MAST4: variants seen among roughly 807,000 people sequenced by gnomAD.
MAST4 encodes the protein microtubule associated serine/threonine kinase family member 4.
MAST4 carries 89 observed loss-of-function variants against 162.7 expected under a neutral mutation model. The ratio of observed to expected loss-of-function variants is 0.55; its 90% confidence interval spans 0.46 to 0.65. MAST4 has a LOEUF of 0.65. Ranked by LOEUF, MAST4 falls within the 30% of genes least tolerant of loss-of-function variation. The probability of loss-of-function intolerance (pLI) is 0.00; values close to 1 mark genes in which losing one functional copy is unlikely to be tolerated. For synonymous variants in MAST4, 1,479 were observed against 1,361.1 expected (o/e 1.09, Z -1.91); for missense variants, 3,153 against 3,374.0 (o/e 0.93, Z 1.62).
rs150321354 is a variant in MAST4, at chr5:67,136,209, T to C, written c.2393-354T>C. On this transcript the variant is annotated intron_variant, in intron 18 of 28. Transcript: ENST00000403625. ...ATTAGCCACCTGAAATGGAAGTGTT[T>C]AGAGTTTCTATTATTTTAAGTCTTT... 2.4e-3 allele frequency among the ~76,000 whole-genome samples: 361 copies of C among 152,334 alleles called. 4 individuals carry two copies. The highest frequency in any genetic ancestry group is 8.2e-3 in the African/African-American group (340 of 41,582).
intron 3 of MAST4, among the ~76,000 whole-genome samples, chr5:66,799,516 A>T (rs1376409680): frequency 6.6e-6 from 1 of 152,172 alleles, no homozygotes; most frequent in Non-Finnish European, 1.5e-5. Flanking sequence ...GGGTTCTTTT[A>T]AATGACACCA....
chr5:66,924,635 C>T lies in MAST4; in HGVS notation c.674+24653C>T, dbSNP rs962907001. 7.9e-5 allele frequency among the ~76,000 whole-genome samples: 12 copies of T among 152,170 alleles called. No homozygotes were observed. In the South Asian group the frequency reaches 1.2e-3, roughly 16 times the overall value. On this transcript the variant is annotated intron_variant, in intron 4 of 28. Transcript: ENST00000403625. ...GTTTTGATCTCCTGACCTCGTGATC[C>T]GCCTACCTCTGCCCCCCAAAGTGGT...
At chr5:67,108,362 A>G (rs1372477078) in intron 10 of MAST4, among the ~76,000 whole-genome samples, 1 of 152,154 alleles carries the variant, frequency 6.6e-6, no homozygotes, top group South Asian at 2.1e-4. Flanking sequence ...TTTTTGCTTC[A>G]TCTTTAAAGT....
At chr5:66,992,929 G>A (rs1438313909) in intron 4 of MAST4, among the ~76,000 whole-genome samples, 1 of 152,180 alleles carries the variant, frequency 6.6e-6, no homozygotes, top group Non-Finnish European at 1.5e-5. Context: ...TGCTATGGCT[G>A]TGTGTGTTGA....
chr5:66,843,453 C>G (rs78152825), intron 3 of MAST4, among the ~76,000 whole-genome samples: 3 of 152,092 alleles, frequency 2.0e-5, no homozygotes, highest in Admixed American at 2.0e-4. Context: ...GGTCGCTTAA[C>G]AGAGAGGAGA....
intron 3 of MAST4, among the ~76,000 whole-genome samples, chr5:66,834,762 A>G (rs1337756126): frequency 6.6e-6 from 1 of 152,174 alleles, no homozygotes; most frequent in Non-Finnish European, 1.5e-5. Context: ...CTGACTCTCC[A>G]ATCAGACTCT....
At chr5:66,964,008 A>G in intron 4 of MAST4, 2 of 685,630 alleles carry the variant, frequency 2.9e-6, no homozygotes, top group Non-Finnish European at 2.7e-6. Context: ...ATGTGTGTGT[A>G]TATGTGACAG....
At chr5:67,005,013 AT>A in intron 4 of MAST4, 3 of 774,468 alleles carry the variant, frequency 3.9e-6, no homozygotes, top group Non-Finnish European at 7.2e-6. Flanking sequence ...TCTGACCCCA[AT>A]TTTTGGACTG....
At chr5:66,809,851 T>G (rs1194620300) in intron 3 of MAST4, among the ~76,000 whole-genome samples, 1 of 152,202 alleles carries the variant, frequency 6.6e-6, no homozygotes, top group Non-Finnish European at 1.5e-5. Flanking sequence ...TTGTCCTGCC[T>G]CAGCTTCCCG....
chr5:66,960,444 G>A (rs1745872843), intron 4 of MAST4, among the ~76,000 whole-genome samples: 3 of 152,136 alleles, frequency 2.0e-5, no homozygotes, highest in African/African-American at 7.2e-5. Flanking sequence ...GGTACGAATA[G>A]TATTTACCCA....
intron 4 of MAST4, among the ~76,000 whole-genome samples, chr5:66,992,014 A>C (rs903092415): frequency 6.6e-6 from 1 of 152,162 alleles, no homozygotes; most frequent in Non-Finnish European, 1.5e-5. Context: ...CTTGTAAATC[A>C]CTCTCAAGTT....
intron 3 of MAST4, 103 bp from the exon 4 acceptor site, chr5:66,899,848 C>A: frequency 1.1e-6 from 1 of 907,350 alleles, no homozygotes; most frequent in South Asian, 2.2e-5. Context: ...AATGCCAAAT[C>A]AAGCGTAATG....
Position 67,033,310 on chromosome 5 carries a change from TTTCTCTGTGTG to T in MAST4, c.675-21092_675-21082del, listed in dbSNP as rs749269540. Among the ~76,000 whole-genome samples, 13 of 127,604 alleles carry T rather than the reference TTTCTCTGTGTG, an allele frequency of 1.0e-4. 1 individual carries two copies. Among genetic ancestry groups the T allele is most frequent in the Admixed American group, 1.6e-4 (2 of 12,546 alleles). 83.7% of individuals were successfully genotyped at this position (127,604 alleles called of 152,430 possible). ...TAAGGATTACTTTTTTGGGTTTTCA[TTTCTCTGTGTG>T]TGTGTGTGTGTGTGTGTGTGTGTGG... On this transcript the variant is annotated intron_variant, in intron 4 of 28. Coordinates refer to ENST00000403625, the MANE Select transcript of MAST4 (RefSeq NM_001164664.2).
At chr5:67,077,822 A>C (rs1025579432) in intron 5 of MAST4, among the ~76,000 whole-genome samples, 3 of 152,188 alleles carry the variant, frequency 2.0e-5, no homozygotes, top group Non-Finnish European at 2.9e-5. Flanking sequence ...GGAAAAGGAC[A>C]GGTGCAGTGG....
intron 5 of MAST4, among the ~76,000 whole-genome samples, chr5:67,073,695 G>C (rs986776737): frequency 6.6e-6 from 1 of 152,158 alleles, no homozygotes; most frequent in Admixed American, 6.5e-5. Context: ...AGGAAGGAAT[G>C]GATGAAGATA....
intron 21 of MAST4, among the ~76,000 whole-genome samples, chr5:67,143,687 G>A (rs750122030): frequency 6.6e-6 from 1 of 152,142 alleles, no homozygotes; most frequent in Non-Finnish European, 1.5e-5. Flanking sequence ...GAATGGCATC[G>A]AGGTAAGGAT....
At chr5:66,655,637 G>T (rs911437866) in intron 1 of MAST4, among the ~76,000 whole-genome samples, 1 of 152,132 alleles carries the variant, frequency 6.6e-6, no homozygotes, top group Non-Finnish European at 1.5e-5. Context: ...TACAAAGACG[G>T]CTCTTTGCTA....
At chr5:67,114,255 T>A (rs1423884648) in intron 12 of MAST4, 36 bp downstream of exon 12, 1 of 1,588,224 alleles carries the variant, frequency 6.3e-7, no homozygotes, top group South Asian at 1.2e-5. Context: ...TTGACTTTGC[T>A]TATGCACTGT....
chr5:67,117,326 C>T (rs1042700985), intron 12 of MAST4, among the ~76,000 whole-genome samples: 2 of 152,138 alleles, frequency 1.3e-5, no homozygotes, highest in East Asian at 1.9e-4. Context: ...TGGAATTTCC[C>T]CTATAGGTAA....
Sources: gnomAD v4.1 joint callset for allele counts (sites outside exome capture counted in the v4.1 genomes callset) on GRCh38, gnomAD v4.1.1 for gene constraint, MANE v1.5 for transcripts, NCBI Gene and HGNC (gene_info 2026-07-23, HGNC 2026-07-21) for gene names.